KCND3: variants seen among roughly 807,000 people sequenced by gnomAD.
KCND3 encodes the protein A-type voltage-gated potassium channel KCND3.
KCND3 carries 9 observed loss-of-function variants against 51.1 expected under a neutral mutation model. That is an observed-to-expected ratio of 0.18 (90% CI 0.11 to 0.31). The LOEUF is 0.31. Among genes scored for constraint, KCND3 ranks in the 10% least tolerant of loss-of-function variants. KCND3 has a pLI of 1.00. For synonymous variants in KCND3, 349 were observed against 368.0 expected, an observed-to-expected ratio of 0.95 and a Z score of 0.59; for missense variants, 526 against 903.8, an observed-to-expected ratio of 0.58 and a Z score of 5.36.
chr1:111,836,314 C>T (rs1006854732), intron 2 of KCND3, among the ~76,000 whole-genome samples: 2 of 152,212 alleles, frequency 1.3e-5, no homozygotes, highest in Non-Finnish European at 2.9e-5. Flanking sequence ...AGCCACAGTC[C>T]CTGCGGGCAG....
At chr1:111,902,564 TG>T (rs1670436828) in intron 2 of KCND3, among the ~76,000 whole-genome samples, 1 of 152,210 alleles carries the variant, frequency 6.6e-6, no homozygotes, top group Non-Finnish European at 1.5e-5. Context: ...GGTTTGTGAA[TG>T]CACCTGTCTC....
intron 2 of KCND3, among the ~76,000 whole-genome samples, chr1:111,911,270 T>A (rs558123819): frequency 6.6e-6 from 1 of 152,340 alleles, no homozygotes; most frequent in South Asian, 2.1e-4. Context: ...TAAAATGATA[T>A]GTTTCAGTGT....
intron 2 of KCND3, among the ~76,000 whole-genome samples, chr1:111,931,702 G>A (rs146515670): frequency 3.7e-4 from 57 of 152,304 alleles, no homozygotes; most frequent in African/African-American, 1.3e-3. Context: ...GGGCAGCATC[G>A]GCATAGTGCT....
chr1:111,911,803 T>C (rs1670960237), intron 2 of KCND3, among the ~76,000 whole-genome samples: 1 of 152,236 alleles, frequency 6.6e-6, no homozygotes, highest in Non-Finnish European at 1.5e-5. Flanking sequence ...GAAACAAATA[T>C]TTTCAAACAT....
At chr1:111,832,126 A>T (rs1360241803) in intron 2 of KCND3, among the ~76,000 whole-genome samples, 1 of 152,200 alleles carries the variant, frequency 6.6e-6, no homozygotes, top group African/African-American at 2.4e-5. Flanking sequence ...GTATCTAGGA[A>T]ATCAAAGGCA....
intron 1 of KCND3, among the ~76,000 whole-genome samples, chr1:111,983,810 T>C (rs1218480215): frequency 1.3e-5 from 2 of 152,140 alleles, no homozygotes; most frequent in African/African-American, 4.8e-5. Flanking sequence ...TTCACCTCTC[T>C]AAACCACACT....
At chr1:111,932,155 C>T (rs1672005488) in intron 2 of KCND3, among the ~76,000 whole-genome samples, 1 of 152,208 alleles carries the variant, frequency 6.6e-6, no homozygotes, top group South Asian at 2.1e-4. Context: ...TTACACTGGG[C>T]CCACCTGGAT....
chr1:111,955,917 G>C (rs1045108258), intron 2 of KCND3, among the ~76,000 whole-genome samples: 1 of 152,126 alleles, frequency 6.6e-6, no homozygotes, highest in South Asian at 2.1e-4. Context: ...TAGTTGTAGC[G>C]GCAGTAACAG....
chr1:111,790,710 C>CA (rs1390048440), intron 2 of KCND3, among the ~76,000 whole-genome samples: 2 of 152,322 alleles, frequency 1.3e-5, no homozygotes, highest in African/African-American at 4.8e-5. Flanking sequence ...AATGTGTACC[C>CA]ATTAGCAGTC....
chr1:111,949,654 C>A (rs1337896071), intron 2 of KCND3, among the ~76,000 whole-genome samples: 1 of 151,950 alleles, frequency 6.6e-6, no homozygotes, highest in Non-Finnish European at 1.5e-5. Flanking sequence ...TCTCCCCCTT[C>A]CCCCTCCCAC....
intron 2 of KCND3, among the ~76,000 whole-genome samples, chr1:111,901,451 C>T (rs1223867605): frequency 6.6e-6 from 1 of 152,180 alleles, no homozygotes; most frequent in Non-Finnish European, 1.5e-5. Flanking sequence ...ATTCTAAGGG[C>T]CGGGGCAAAA....
Position 111,981,781 on chromosome 1 carries a change from T to C in KCND3, c.946A>G (p.Ser316Gly). The C allele has an allele frequency of 6.2e-7, 1 of 1,614,020 alleles. No homozygotes were observed. The highest frequency in any genetic ancestry group is 8.5e-7 in the Non-Finnish European group (1 of 1,180,016). The change falls in exon 2 of 8, where the codon AGC (serine) becomes GGC (glycine). Residue 316 changes from serine (S) to glycine (G), a missense_variant. Ser to Gly is a moderately conservative substitution (Grantham distance 56). This residue lies in a region of KCND3 where 48 missense variants were observed against 228.5 expected (regional missense o/e 0.21). Coordinates refer to ENST00000302127, the MANE Select transcript of KCND3 (RefSeq NM_001378969.1). This position sits in a 1 kb window ranked among gnomAD's most constrained non-coding sequence, Gnocchi z 6.2. ...AGAAAGCCCAGTTCGGAGGCACAGC[T>C]CTTCAGTGTGTAGCCCAGGATCCGC... ...GLRILGYTLKSCASELGFLLF... is the reference protein window; with the variant it reads ...GLRILGYTLKGCASELGFLLF...
chr1:111,910,257 G>A (rs370189381), intron 2 of KCND3: 3 of 152,288 alleles, frequency 2.0e-5, no homozygotes, highest in African/African-American at 4.8e-5. Context: ...CCAAGGGCAC[G>A]GAATGGCCTT....
At chr1:111,947,510 T>A (rs1240753190) in intron 2 of KCND3, among the ~76,000 whole-genome samples, 1 of 152,240 alleles carries the variant, frequency 6.6e-6, no homozygotes, top group Non-Finnish European at 1.5e-5. Context: ...AGGAAGAAGT[T>A]CAGACTTGGA....
chr1:111,839,280 C>T (rs1484145493), intron 2 of KCND3, among the ~76,000 whole-genome samples: 1 of 152,214 alleles, frequency 6.6e-6, no homozygotes, highest in African/African-American at 2.4e-5. Context: ...GGAGTCTTGA[C>T]CTCATTCAAA....
chr1:111,870,211 T>A (rs1668769917), intron 2 of KCND3, among the ~76,000 whole-genome samples: 1 of 152,228 alleles, frequency 6.6e-6, no homozygotes. Flanking sequence ...CAGCAAATGA[T>A]GGTGCCAGTT....
At chr1:111,857,109 T>C (rs939515033) in intron 2 of KCND3, among the ~76,000 whole-genome samples, 1 of 152,222 alleles carries the variant, frequency 6.6e-6, no homozygotes, top group Admixed American at 6.5e-5. Flanking sequence ...TTCTCATTGA[T>C]TTCATTTACA....
At chr1:111,927,299 C>T (rs1421871981) in intron 2 of KCND3, among the ~76,000 whole-genome samples, 2 of 152,232 alleles carry the variant, frequency 1.3e-5, no homozygotes, top group East Asian at 3.8e-4. Context: ...CAGAAGCCTG[C>T]AGACTCTGTT....
chr1:111,982,929 T>C lies in KCND3; in HGVS notation c.-72-131A>G, dbSNP rs2102001585. ...CCAGGGCAGATTAATAAAACTGAAATCCCCACCACAGAGAGGGGACTTGAT... is the reference window on the plus strand; with the variant it reads ...CCAGGGCAGATTAATAAAACTGAAACCCCCACCACAGAGAGGGGACTTGAT... On this transcript the variant is annotated intron_variant, in intron 1 of 7. Transcript: ENST00000302127. This position sits in a 1 kb window ranked among gnomAD's most constrained non-coding sequence, Gnocchi z 8.5. 5 of 682,234 alleles carry C rather than the reference T, an allele frequency of 7.3e-6. No individual in the cohort carries two copies. The Admixed American group carries it at 1.3e-4, about 18-fold the overall frequency. The allele number at this position is 682,234 out of a possible 1,614,324, so 42.3% of individuals were successfully genotyped here.
Sources: gnomAD v4.1 joint callset for allele counts (sites outside exome capture counted in the v4.1 genomes callset) on GRCh38, gnomAD v4.1.1 for gene constraint, gnomAD v4.1.1 regional missense constraint, Gnocchi (gnomAD v3.1) non-coding constraint, MANE v1.5 for transcripts, NCBI Gene and HGNC (gene_info 2026-07-23, HGNC 2026-07-21) for gene names.